Variants in PIWIL2 observed in about 807,000 individuals in gnomAD.
The protein encoded by PIWIL2 is piwi-like protein 2.
A neutral mutation model predicts 116.5 loss-of-function variants in PIWIL2; 81 were observed. That is an observed-to-expected ratio of 0.70 (90% CI 0.58 to 0.84). The LOEUF (loss-of-function observed/expected upper bound fraction) is 0.84, where lower values mean the gene tolerates loss of function less well. PIWIL2 is among the 40% of genes least tolerant of loss of function. The probability of loss-of-function intolerance (pLI) is 0.00; values close to 1 mark genes in which losing one functional copy is unlikely to be tolerated. For synonymous variants in PIWIL2, 489 were observed against 429.5 expected, an observed-to-expected ratio of 1.14 and a Z score of -1.71; for missense variants, 1,272 against 1,212.3, an observed-to-expected ratio of 1.05 and a Z score of -0.73.
At chr8:22,286,405 C>T (rs1263918525) in intron 6 of PIWIL2, among the ~76,000 whole-genome samples, 2 of 152,080 alleles carry the variant, frequency 1.3e-5, no homozygotes, top group Non-Finnish European at 2.9e-5. Flanking sequence ...GCACATACAA[C>T]AGGTAGAGGG....
chr8:22,281,314 A>G, intron 3 of PIWIL2, 63 bp from the exon 4 acceptor site: 1 of 1,569,982 alleles, frequency 6.4e-7, no homozygotes, highest in African/African-American at 1.4e-5. Context: ...TTTAAAAAAA[A>G]AAACTATACT....
intron 10 of PIWIL2, among the ~76,000 whole-genome samples, chr8:22,302,723 G>A (rs1831081364): frequency 6.6e-6 from 1 of 152,144 alleles, no homozygotes; most frequent in Admixed American, 6.6e-5. Flanking sequence ...GGATTTGTGT[G>A]TAGATTGAAG....
At chr8:22,282,583 G>A (rs1213926142) in intron 4 of PIWIL2, among the ~76,000 whole-genome samples, 1 of 151,796 alleles carries the variant, frequency 6.6e-6, no homozygotes, top group East Asian at 1.9e-4. Context: ...AATGAGTCAT[G>A]GTGGCATATG....
rs763584578 is a variant in PIWIL2 at position 22,284,585 on chromosome 8, C to CT, written c.743+317dup. ...ACTTGCATTAGGTGTCTTCCATGAT[C>CT]TTTTAACTTATTTTGTATGTGTAAT... On this transcript the variant is annotated intron_variant, in intron 6 of 22. Transcript: ENST00000356766. 2.0e-5 allele frequency among the ~76,000 whole-genome samples: 3 copies of CT among 152,082 alleles called. No homozygotes were observed. In the East Asian group the frequency reaches 5.8e-4, roughly 29 times the overall value.
chr8:22,277,620 C>G (rs1227602237), intron 1 of PIWIL2, among the ~76,000 whole-genome samples: 6 of 152,142 alleles, frequency 3.9e-5, no homozygotes, highest in African/African-American at 1.4e-4. Context: ...GTCCTCCCAC[C>G]TGGGCCTCCC....
intron 9 of PIWIL2, 24 bp from the exon 10 acceptor site, chr8:22,290,209 A>T (rs1476051666): frequency 7.0e-7 from 1 of 1,432,810 alleles, no homozygotes; most frequent in African/African-American, 1.4e-5. Context: ...AAAATCCTAC[A>T]GTTGAGACCA....
At chr8:22,339,978 G>A (rs1832070187) in intron 20 of PIWIL2, among the ~76,000 whole-genome samples, 1 of 151,270 alleles carries the variant, frequency 6.6e-6, no homozygotes, top group African/African-American at 2.4e-5. Context: ...ACCGATGTTT[G>A]TCATGCACAT....
At chr8:22,296,732 C>G (rs575598868) in intron 10 of PIWIL2, among the ~76,000 whole-genome samples, 8 of 152,238 alleles carry the variant, frequency 5.3e-5, no homozygotes. Flanking sequence ...GGGAGTTTTT[C>G]TTTACTGTTG....
intron 10 of PIWIL2, among the ~76,000 whole-genome samples, chr8:22,295,298 T>C (rs1260732595): frequency 6.6e-6 from 1 of 151,714 alleles, no homozygotes; most frequent in African/African-American, 2.4e-5. Flanking sequence ...CTCAGCTTCC[T>C]GAGTAACTGG....
At chr8:22,296,037 TTTTTTTTTTTTTTTTTTTTTTG>T (rs1563364621) in intron 10 of PIWIL2, among the ~76,000 whole-genome samples, 665 of 29,190 alleles carry the variant, frequency 0.023, 7 homozygotes, top group African/African-American at 0.095. Context: ...TTTTTTTTTT[TTTTTTTTTTTTTTTTTTTTTTG>T]TTGTTGTTGT....
chr8:22,299,485 A>G (rs1395049348), intron 10 of PIWIL2, among the ~76,000 whole-genome samples: 2 of 152,048 alleles, frequency 1.3e-5, no homozygotes, highest in Admixed American at 6.6e-5. Flanking sequence ...TGGGATTGCA[A>G]GCGTGAGCCA....
intron 16 of PIWIL2, among the ~76,000 whole-genome samples, chr8:22,312,410 G>A (rs1372887600): frequency 3.3e-5 from 5 of 152,164 alleles, no homozygotes; most frequent in East Asian, 1.9e-4. Context: ...AACTACAGGC[G>A]TGGGCCATCA....
chr8:22,296,599 A>T (rs1830913232), intron 10 of PIWIL2, among the ~76,000 whole-genome samples: 1 of 152,186 alleles, frequency 6.6e-6, no homozygotes, highest in Admixed American at 6.5e-5. Flanking sequence ...GAGAATTTTG[A>T]AGGCACTACT....
intron 20 of PIWIL2, among the ~76,000 whole-genome samples, chr8:22,341,994 AAG>A (rs1300742740): frequency 3.4e-4 from 51 of 148,124 alleles, no homozygotes; most frequent in African/African-American, 1.2e-3. Flanking sequence ...AAAAAAAAAA[AAG>A]GTGAATTTTG....
At chr8:22,353,792 T>TTTTTTTTTTTTTTTTTG (rs1832428412) in intron 21 of PIWIL2, among the ~76,000 whole-genome samples, 1 of 135,740 alleles carries the variant, frequency 7.4e-6, no homozygotes, top group Non-Finnish European at 1.6e-5. Flanking sequence ...TTTTTTTTTT[T>TTTTTTTTTTTTTTTTTG]GAGGCAGGGT....
chr8:22,277,430 C>G (rs1563338399), intron 1 of PIWIL2, among the ~76,000 whole-genome samples: 1 of 152,184 alleles, frequency 6.6e-6, no homozygotes, highest in Non-Finnish European at 1.5e-5. Flanking sequence ...GTGTTAAATG[C>G]AACCTGTGAG....
chr8:22,311,024 AG>A, intron 15 of PIWIL2, 87 bp from the exon 16 acceptor site: 3 of 1,135,656 alleles, frequency 2.6e-6, no homozygotes, highest in Middle Eastern at 5.8e-4. Flanking sequence ...GAGAGTGAAA[AG>A]TAATTTATTC....
chr8:22,324,849 C>T (rs964956026), intron 20 of PIWIL2, among the ~76,000 whole-genome samples: 8 of 152,140 alleles, frequency 5.3e-5, no homozygotes, highest in South Asian at 2.1e-4. Flanking sequence ...TCTGAAGACA[C>T]GGAGAACACC....
intron 16 of PIWIL2, among the ~76,000 whole-genome samples, chr8:22,312,170 G>A (rs371392799): frequency 4.6e-5 from 7 of 151,760 alleles, no homozygotes; most frequent in Non-Finnish European, 8.8e-5. Flanking sequence ...AGGCTGAGGT[G>A]GGAGAATCAC....
Sources: allele counts gnomAD v4.1 joint callset (sites outside exome capture counted in the v4.1 genomes callset), GRCh38; gene constraint gnomAD v4.1.1; transcripts MANE v1.5; gene names NCBI Gene and HGNC (gene_info 2026-07-23, HGNC 2026-07-21).